KIRREL3: variants seen among roughly 807,000 people sequenced by gnomAD.
KIRREL3 encodes the protein kirre like nephrin family adhesion molecule 3.
In KIRREL3, 36 loss-of-function variants were observed where a neutral mutation model predicts 89.7. The observed-to-expected ratio is 0.40, with a 90% CI of 0.31 to 0.53. KIRREL3 has a LOEUF of 0.53. KIRREL3 is among the 20% of genes least tolerant of loss of function. The pLI, the probability that KIRREL3 is intolerant of heterozygous loss-of-function variation, is 0.49. For missense variants in KIRREL3, 864 were observed against 1,056.6 expected (o/e 0.82, Z 2.53); for synonymous variants, 445 against 441.4 (o/e 1.01, Z -0.10).
At position 126,763,254 on chromosome 11, in the gene KIRREL3, A is replaced by G. The variant is rs1949718414; in HGVS notation, c.56-200342T>C. Reference sequence around the variant, plus strand: ...GAGACGATTTCTGGAACATCTCCCAATGTCGGCGTTCTGTGATGTGACAAT... The same window carrying G: ...GAGACGATTTCTGGAACATCTCCCAGTGTCGGCGTTCTGTGATGTGACAAT... On this transcript the variant is annotated intron_variant, in intron 1 of 16. Coordinates refer to ENST00000525144, the MANE Select transcript of KIRREL3 (RefSeq NM_032531.4). The surrounding 1 kb of genome is among the most constrained non-coding windows in gnomAD (Gnocchi z 4.7). 6.6e-6 allele frequency among the ~76,000 whole-genome samples: 1 copy of G among 152,192 alleles called. No homozygotes were observed. The highest frequency in any genetic ancestry group is 1.9e-4 in the East Asian group (1 of 5,190).
In KIRREL3 at chr11:126,900,538, C is replaced by T. The variant is rs1037946203; in HGVS notation, c.55+99917G>A. Among the ~76,000 whole-genome samples, 1 of 152,162 alleles carries T rather than the reference C, an allele frequency of 6.6e-6. No homozygotes were observed. The highest frequency in any genetic ancestry group is 2.4e-5 in the African/African-American group (1 of 41,440). Reference sequence around the variant, plus strand: ...CTTTGTGAGTGCTGGACTTCTGAGGCCTGTTTTCTCTGTTGGAAAAAAAAT... The same window carrying T: ...CTTTGTGAGTGCTGGACTTCTGAGGTCTGTTTTCTCTGTTGGAAAAAAAAT... On this transcript the variant is annotated intron_variant, in intron 1 of 16. Transcript: ENST00000525144. This position sits in a 1 kb window ranked among gnomAD's most constrained non-coding sequence, Gnocchi z 4.4.
At chr11:126,438,233 A>G (rs927488413) in intron 11 of KIRREL3, among the ~76,000 whole-genome samples, 2 of 152,250 alleles carry the variant, frequency 1.3e-5, no homozygotes, top group South Asian at 2.1e-4. Flanking sequence ...TGTGTGAGAA[A>G]TGTGTCTACA....
chr11:126,972,204 G>GAGAGAGAGAGAGAGAGAGA (rs1555110558), intron 1 of KIRREL3, among the ~76,000 whole-genome samples: 521 of 146,230 alleles, frequency 3.6e-3, no homozygotes, highest in Non-Finnish European at 5.3e-3. Flanking sequence ...GAGAGAGAGA[G>GAGAGAGAGAGAGAGAGAGA]GACTGTGCAT....
chr11:126,879,903 T>C lies in KIRREL3; in HGVS notation c.55+120552A>G, dbSNP rs1415899718. The stretch of plus-strand genomic sequence containing the variant: ...GTGCTCCCATTTCAGAACAGACCAT[T>C]CCCCCACCACCCCGCCGCCATCTCA... On this transcript the variant is annotated intron_variant, in intron 1 of 16. Transcript: ENST00000525144. This position sits in a 1 kb window ranked among gnomAD's most constrained non-coding sequence, Gnocchi z 5.4. Among the ~76,000 whole-genome samples the C allele has an allele frequency of 6.6e-6, 1 of 151,948 alleles. No individual in the cohort carries two copies. Among genetic ancestry groups the C allele is most frequent in the Non-Finnish European group, 1.5e-5 (1 of 68,002 alleles).
chr11:126,906,526 C>T lies in KIRREL3; in HGVS notation c.55+93929G>A, dbSNP rs1946589217. 6.6e-6 allele frequency among the ~76,000 whole-genome samples: 1 copy of T among 152,156 alleles called. No homozygotes were observed. The highest frequency in any genetic ancestry group is 2.1e-4 in the South Asian group (1 of 4,828). ...GCCTCTGCCCAGTAACTTTAATCTC[C>T]CTCCAGCAGAGAAGTGGATAGGGAC... On this transcript the variant is annotated intron_variant, in intron 1 of 16. Coordinates refer to ENST00000525144, the MANE Select transcript of KIRREL3 (RefSeq NM_032531.4). The surrounding 1 kb of genome is among the most constrained non-coding windows in gnomAD (Gnocchi z 4.1).
At chr11:126,438,383 CTGAG>C (rs1249029710) in intron 11 of KIRREL3, among the ~76,000 whole-genome samples, 1 of 152,236 alleles carries the variant, frequency 6.6e-6, no homozygotes, top group Non-Finnish European at 1.5e-5. Flanking sequence ...ATGAGAGGGA[CTGAG>C]TTTCTCAAGC....
chr11:127,001,289 C>G (rs1032772291), upstream of KIRREL3: 1 of 82,768 alleles, frequency 1.2e-5, no homozygotes, highest in Non-Finnish European at 2.1e-5. Context: ...CTGAGAGTTT[C>G]CTGTGGGTGG....
At chr11:126,762,999 C>T (rs747523278) in intron 1 of KIRREL3, among the ~76,000 whole-genome samples, 20 of 152,290 alleles carry the variant, frequency 1.3e-4, no homozygotes, top group African/African-American at 4.6e-4. Flanking sequence ...CTCTCAGAGG[C>T]CACCCATCCT....
intron 1 of KIRREL3, among the ~76,000 whole-genome samples, chr11:126,690,267 A>T (rs1946828061): frequency 6.6e-6 from 1 of 152,084 alleles, no homozygotes; most frequent in Non-Finnish European, 1.5e-5. Context: ...TCCATCAGAA[A>T]CCCACACCCC....
Position 126,769,906 on chromosome 11 carries a change from G to T in KIRREL3, c.56-206994C>A, listed in dbSNP as rs953265565. On this transcript the variant is annotated intron_variant, in intron 1 of 16. Transcript: ENST00000525144. This position sits in a 1 kb window ranked among gnomAD's most constrained non-coding sequence, Gnocchi z 4.3. Reference sequence around the variant, plus strand: ...AAGGTAATAACACATACCCAGGGGGGTTGGCTTGGCGGAGTGTTGGGCACA... The same window carrying T: ...AAGGTAATAACACATACCCAGGGGGTTTGGCTTGGCGGAGTGTTGGGCACA... Among the ~76,000 whole-genome samples the T allele has an allele frequency of 3.3e-5, 5 of 152,190 alleles. No individual in the cohort carries two copies. The highest frequency in any genetic ancestry group is 7.2e-5 in the African/African-American group (3 of 41,426).
chr11:126,556,270 G>A (rs965030020), intron 2 of KIRREL3, among the ~76,000 whole-genome samples: 1 of 152,070 alleles, frequency 6.6e-6, no homozygotes, highest in Non-Finnish European at 1.5e-5. Context: ...AGGAGGGTGG[G>A]TACAGGAGGC....
chr11:126,581,604 A>G (rs1436728703), intron 1 of KIRREL3, among the ~76,000 whole-genome samples: 1 of 152,216 alleles, frequency 6.6e-6, no homozygotes, highest in Non-Finnish European at 1.5e-5. Context: ...TACATTGTGG[A>G]ATGAATACAT....
intron 1 of KIRREL3, among the ~76,000 whole-genome samples, chr11:126,679,348 T>A (rs1267865340): frequency 1.3e-5 from 2 of 152,246 alleles, no homozygotes; most frequent in Admixed American, 1.3e-4. Context: ...TCCTTGCAGC[T>A]GAGAAACATA....
rs541938076 is a variant in KIRREL3 at position 126,640,358 on chromosome 11, G to A, written c.56-77446C>T. The stretch of plus-strand genomic sequence containing the variant: ...AACACACACACAGACGCGCGTGTGC[G>A]CGCGCACACACACGCACACGCGCAC... On this transcript the variant is annotated intron_variant, in intron 1 of 16. Transcript: ENST00000525144. This position sits in a 1 kb window ranked among gnomAD's most constrained non-coding sequence, Gnocchi z 4.9. 3.0e-4 allele frequency among the ~76,000 whole-genome samples: 45 copies of A among 152,094 alleles called. No homozygotes were observed. Among genetic ancestry groups the A allele is most frequent in the African/African-American group, 4.1e-4 (17 of 41,502 alleles).
chr11:126,439,884 A>G (rs1039718756), intron 11 of KIRREL3, among the ~76,000 whole-genome samples: 1 of 151,992 alleles, frequency 6.6e-6, no homozygotes, highest in Non-Finnish European at 1.5e-5. Flanking sequence ...GATAGCTGGT[A>G]GGAGGCGCTG....
At chr11:126,673,152 G>A (rs1167760134) in intron 1 of KIRREL3, among the ~76,000 whole-genome samples, 1 of 152,216 alleles carries the variant, frequency 6.6e-6, no homozygotes, top group Admixed American at 6.5e-5. Context: ...TGTATTCCGC[G>A]AATGCAGACA....
At chr11:126,932,993 C>T (rs1344288970) in intron 1 of KIRREL3, among the ~76,000 whole-genome samples, 1 of 152,210 alleles carries the variant, frequency 6.6e-6, no homozygotes, top group East Asian at 1.9e-4. Context: ...GCAATTACTG[C>T]TGCAGTTGCA....
At chr11:126,671,911 C>T (rs369991953) in intron 1 of KIRREL3, among the ~76,000 whole-genome samples, 4 of 152,168 alleles carry the variant, frequency 2.6e-5, no homozygotes, top group African/African-American at 9.7e-5. Context: ...GATCAAGTAA[C>T]TGCAGTCCTA....
chr11:126,558,577 CTG>C lies in KIRREL3; in HGVS notation c.133+4256_133+4257del, dbSNP rs1939876498. Among the ~76,000 whole-genome samples the C allele has an allele frequency of 6.6e-6, 1 of 152,178 alleles. No homozygotes were observed. Among genetic ancestry groups the C allele is most frequent in the Admixed American group, 6.5e-5 (1 of 15,280 alleles). On this transcript the variant is annotated intron_variant, in intron 2 of 16. Coordinates refer to ENST00000525144, the MANE Select transcript of KIRREL3 (RefSeq NM_032531.4). This position sits in a 1 kb window ranked among gnomAD's most constrained non-coding sequence, Gnocchi z 4.0. ...AGTTGCTGCATGCTCTTGGGCCATG[CTG>C]TGTTATTGGGTTGCACTGTAATCTC...
Sources: allele counts gnomAD v4.1 joint callset (sites outside exome capture counted in the v4.1 genomes callset), GRCh38; gene constraint gnomAD v4.1.1; non-coding constraint Gnocchi (gnomAD v3.1); transcripts MANE v1.5; gene names NCBI Gene and HGNC (gene_info 2026-07-23, HGNC 2026-07-21).